The following PHEX variants were observed in gnomAD, a reference collection of about 807,000 sequenced individuals.
PHEX encodes the protein phosphate regulating endopeptidase X-linked, also known as phosphate-regulating neutral endopeptidase PHEX.
Under a neutral mutation model 68.0 loss-of-function variants are expected in PHEX, and 16 were observed. The ratio of observed to expected loss-of-function variants is 0.24; its 90% CI spans 0.16 to 0.36. The LOEUF (loss-of-function observed/expected upper bound fraction) is 0.36. PHEX is among the 10% of genes least tolerant of loss of function. PHEX has a pLI of 1.00. For synonymous variants in PHEX, 208 were observed against 205.1 expected (o/e 1.01, Z -0.12); for missense variants, 480 against 575.5 (o/e 0.83, Z 1.70).
Position 22,036,429 on chromosome X carries a change from T to C in PHEX, c.119-2040T>C, listed in dbSNP as rs1022500544. On this transcript the variant is annotated intron_variant, in intron 1 of 21. Transcript: ENST00000379374. ...AAGATACCTGATTTTACTTCTTCCT[T>C]TGAGGTTTTGGGTCAAGAATTATCT... 3.6e-5 allele frequency among the ~76,000 whole-genome samples: 4 copies of C among 111,248 alleles called. No homozygotes were observed. In the East Asian group the frequency reaches 8.4e-4, roughly 23 times the overall value.
rs1205075111 is a variant in PHEX, at chrX:22,033,240, G to A, written c.118+117G>A. On this transcript the variant is annotated intron_variant, in intron 1 of 21. Transcript: ENST00000379374. ...TAGGGCTGTTTGCCTGCGTTCATAG[G>A]TGGTGTATCTTTAGTTTCTATCAAA... 5.5e-6 allele frequency: 3 copies of A among 541,459 alleles called. No individual in the cohort carries two copies. The African/African-American group carries it at 6.9e-5, about 13-fold the overall frequency. The allele number at this position is 541,459 out of a possible 1,213,427, so 44.6% of individuals were successfully genotyped here. A position where few individuals can be genotyped will look rare whatever the true frequency, so the allele number is the denominator to read the frequency against.
chrX:22,216,884 ATAT>A (rs1359362947), intron 16 of PHEX, among the ~76,000 whole-genome samples: 1 of 111,906 alleles, frequency 8.9e-6, no homozygotes, highest in Non-Finnish European at 1.9e-5. Context: ...ATATTATGAA[ATAT>A]TATTATTGTC....
intron 15 of PHEX, among the ~76,000 whole-genome samples, chrX:22,204,312 A>G (rs1002406026): frequency 8.9e-6 from 1 of 111,894 alleles, no homozygotes; most frequent in Admixed American, 9.5e-5. Context: ...TACAAACCAC[A>G]TCTGTCACCC....
intron 12 of PHEX, among the ~76,000 whole-genome samples, chrX:22,168,102 C>T (rs780839262): frequency 2.1e-4 from 23 of 111,354 alleles, no homozygotes; most frequent in African/African-American, 7.5e-4. Context: ...TTACATTGTA[C>T]TAGACAGTTA....
intron 14 of PHEX, among the ~76,000 whole-genome samples, chrX:22,183,593 C>T (rs1390177515): frequency 1.8e-5 from 2 of 111,722 alleles, no homozygotes; most frequent in African/African-American, 3.2e-5. Flanking sequence ...ATCCAATACT[C>T]AAATCTGATG....
intron 9 of PHEX, among the ~76,000 whole-genome samples, chrX:22,108,125 G>T (rs1428212364): frequency 1.8e-5 from 2 of 111,219 alleles, no homozygotes; most frequent in African/African-American, 6.5e-5. Flanking sequence ...GAGTGGAGAT[G>T]TGAATGCAAA....
chrX:22,145,588 C>A (rs1228389221), intron 12 of PHEX, among the ~76,000 whole-genome samples: 2 of 106,471 alleles, frequency 1.9e-5, no homozygotes, highest in African/African-American at 6.9e-5. Context: ...TGCACTCCAG[C>A]CTGGGTGATA....
At chrX:22,131,619 G>A (rs771152177) in intron 11 of PHEX, among the ~76,000 whole-genome samples, 1 of 112,791 alleles carries the variant, frequency 8.9e-6, no homozygotes, top group African/African-American at 3.2e-5. Context: ...AACTGTTATT[G>A]AACTGAAAAC....
At chrX:22,110,370 A>G (rs1218809665) in intron 9 of PHEX, among the ~76,000 whole-genome samples, 1 of 112,606 alleles carries the variant, frequency 8.9e-6, no homozygotes, top group Admixed American at 9.4e-5. Context: ...AGAAAGACAA[A>G]TAAAAGCAAG....
chrX:22,236,392 C>T (rs1343870724), intron 20 of PHEX, among the ~76,000 whole-genome samples: 2 of 111,943 alleles, frequency 1.8e-5, no homozygotes, highest in South Asian at 7.2e-4. Flanking sequence ...CTTACACTTC[C>T]TATCTCCATA....
At chrX:22,164,018 A>G (rs997378385) in intron 12 of PHEX, among the ~76,000 whole-genome samples, 3 of 111,617 alleles carry the variant, frequency 2.7e-5, no homozygotes, top group Non-Finnish European at 5.6e-5. Flanking sequence ...CTTTCTCAGG[A>G]GAATGCCTGG....
intron 12 of PHEX, among the ~76,000 whole-genome samples, chrX:22,159,442 T>C (rs565526239): frequency 1.1e-4 from 12 of 111,734 alleles, no homozygotes; most frequent in African/African-American, 3.6e-4. Context: ...GCCCAGGAGT[T>C]TGAGACCTGT....
intron 11 of PHEX, among the ~76,000 whole-genome samples, chrX:22,132,087 C>T (rs758097231): frequency 9.0e-6 from 1 of 111,210 alleles, no homozygotes; most frequent in South Asian, 3.9e-4. Flanking sequence ...CCCCTTTAGA[C>T]CTACCATTTT....
chrX:22,078,192 C>A (rs1929244208), intron 5 of PHEX, among the ~76,000 whole-genome samples: 1 of 112,065 alleles, frequency 8.9e-6, no homozygotes, highest in Non-Finnish European at 1.9e-5. Context: ...AAAGATACAG[C>A]AAAACTTGTT....
chrX:22,076,644 T>C (rs1003909887), intron 4 of PHEX, among the ~76,000 whole-genome samples, 170 bp downstream of exon 4: 3 of 112,700 alleles, frequency 2.7e-5, no homozygotes, highest in African/African-American at 9.7e-5. Flanking sequence ...AGTCCCATCT[T>C]AGTTAATGTT....
At chrX:22,041,265 C>CTCTCTATA (rs1468778300) in intron 2 of PHEX, among the ~76,000 whole-genome samples, 164 of 72,771 alleles carry the variant, frequency 2.3e-3, no homozygotes, top group East Asian at 3.0e-3. Context: ...CTCTCTCTCT[C>CTCTCTATA]TATATATATA....
chrX:22,239,235 C>G (rs1356833584), intron 20 of PHEX, among the ~76,000 whole-genome samples: 1 of 111,565 alleles, frequency 9.0e-6, no homozygotes, highest in African/African-American at 3.3e-5. Flanking sequence ...CGAAGGTCAC[C>G]AGCATCAAAG....
intron 20 of PHEX, 149 bp from the exon 21 acceptor site, chrX:22,245,184 T>C: frequency 1.8e-6 from 1 of 554,478 alleles, no homozygotes. Flanking sequence ...TAGATGTTAT[T>C]ACAGATGACG....
At chrX:22,211,959 T>G (rs1232745622) in intron 15 of PHEX, among the ~76,000 whole-genome samples, 1 of 111,695 alleles carries the variant, frequency 9.0e-6, no homozygotes, top group Non-Finnish European at 1.9e-5. Flanking sequence ...ATGATTCAAT[T>G]ATCTCCACCT....
Sources: gnomAD v4.1 joint callset for allele counts (sites outside exome capture counted in the v4.1 genomes callset) on GRCh38, gnomAD v4.1.1 for gene constraint, MANE v1.5 for transcripts, NCBI Gene and HGNC (gene_info 2026-07-23, HGNC 2026-07-21) for gene names.